The following IFI16 variants were observed in gnomAD, a reference collection of about 807,000 sequenced individuals.
IFI16 encodes the protein interferon gamma inducible protein 16.
A neutral mutation model predicts 68.4 loss-of-function variants in IFI16; 49 were observed. The ratio of observed to expected loss-of-function variants is 0.72; its 90% CI spans 0.57 to 0.91. The LOEUF (loss-of-function observed/expected upper bound fraction) is 0.91. Ranked by LOEUF, IFI16 falls within the 40% of genes least tolerant of loss-of-function variation. The pLI is 0.00. For missense variants in IFI16, 878 were observed against 942.9 expected, an observed-to-expected ratio of 0.93 and a Z score of 0.90; for synonymous variants, 307 against 315.0, an observed-to-expected ratio of 0.97 and a Z score of 0.27.
upstream of IFI16, among the ~76,000 whole-genome samples, chr1:159,008,726 G>A (rs1367025734): frequency 6.6e-6 from 1 of 152,122 alleles, no homozygotes; most frequent in Non-Finnish European, 1.5e-5. Flanking sequence ...AACACCCAGA[G>A]ATGTTTATGG....
At chr1:159,034,187 A>G (rs145391528) in intron 7 of IFI16, among the ~76,000 whole-genome samples, 108 of 152,344 alleles carry the variant, frequency 7.1e-4, no homozygotes, top group South Asian at 3.3e-3. Flanking sequence ...GTGATGATCA[A>G]AACATCTAAA....
chr1:159,018,272 A>T lies in IFI16; in HGVS notation c.593A>T (p.Asn198Ile). 6.2e-7 allele frequency: 1 copy of T among 1,614,090 alleles called. No individual in the cohort carries two copies. The highest frequency in any genetic ancestry group is 8.5e-7 in the Non-Finnish European group (1 of 1,179,954). Residue 198 changes from asparagine to isoleucine, a missense_variant, in exon 5 of 12, where the codon AAT becomes ATT. Asn to Ile is a moderately radical substitution (Grantham distance 149, BLOSUM62 -3). Coordinates refer to ENST00000295809, the MANE Select transcript of IFI16 (RefSeq NM_001376587.1). ...AAATGTCAGGTAACTCCCAGAAGAAATGTTCTCCAAAAACGCCCAGTGATA... is the reference window on the plus strand; with the variant it reads ...AAATGTCAGGTAACTCCCAGAAGAATTGTTCTCCAAAAACGCCCAGTGATA... The part of the protein sequence containing the change: ...VAKCQVTPRR[N>I]VLQKRPVIVK...
In IFI16 at chr1:159,037,574, G is replaced by A. The variant is rs566835907; in HGVS notation, c.1329+4883G>A. ...TATGGTAGCAGGGATTATTTACTATGAGAAAAACAATCAGCTACTATATTA... is the reference window on the plus strand; with the variant it reads ...TATGGTAGCAGGGATTATTTACTATAAGAAAAACAATCAGCTACTATATTA... On this transcript the variant is annotated intron_variant, in intron 7 of 11. Transcript: ENST00000295809. 2.6e-5 allele frequency among the ~76,000 whole-genome samples: 4 copies of A among 152,254 alleles called. No individual in the cohort carries two copies. The South Asian group carries it at 8.3e-4, about 32-fold the overall frequency.
At chr1:159,053,362 A>G (rs553131763) in intron 10 of IFI16, 171 bp from the exon 11 acceptor site, 47 of 437,988 alleles carry the variant, frequency 1.1e-4, no homozygotes, top group African/African-American at 9.0e-4. Flanking sequence ...AGGAGTTGAA[A>G]GGCAGGATTC....
chr1:159,025,870 G>C (rs568016161), intron 6 of IFI16, among the ~76,000 whole-genome samples: 1 of 152,294 alleles, frequency 6.6e-6, no homozygotes, highest in African/African-American at 2.4e-5. Context: ...TGAGGATCCA[G>C]TTTCATTCTT....
chr1:159,013,602 G>A (rs1243311650), intron 1 of IFI16, among the ~76,000 whole-genome samples: 2 of 152,160 alleles, frequency 1.3e-5, no homozygotes, highest in Non-Finnish European at 2.9e-5. Flanking sequence ...CAGGTGTTAA[G>A]AGGTCAAGAG....
At chr1:159,008,981 G>A (rs186911561), upstream of IFI16, 17 of 152,260 alleles carry the variant, frequency 1.1e-4, no homozygotes, top group East Asian at 2.5e-3. Context: ...CACATCATCT[G>A]CTAGTTGATG....
intron 7 of IFI16, among the ~76,000 whole-genome samples, chr1:159,039,595 CG>C (rs1654503009): frequency 2.0e-5 from 3 of 152,152 alleles, no homozygotes; most frequent in Admixed American, 2.0e-4. Context: ...CCTCCCGCCT[CG>C]GCCTCCCAAA....
chr1:159,051,855 G>A lies in IFI16; in HGVS notation c.1842G>A (p.Lys614=), dbSNP rs747855080. ...CTGAGAATGAAGTCTTCCGAGTGAA[G>A]GTTTTTAATATTGACCTAAAGGAGA... is the stretch of plus-strand genomic sequence containing the variant. ...VATENEVFRV[K]VFNIDLKEKF... The change falls in exon 10 of 12, where the codon AAG becomes AAA. Residue 614 remains lysine (K), a synonymous_variant. Transcript: ENST00000295809. 1 of 1,614,088 alleles carries A rather than the reference G, an allele frequency of 6.2e-7. No homozygotes were observed. Among genetic ancestry groups the A allele is most frequent in the Non-Finnish European group, 8.5e-7 (1 of 1,179,962 alleles).
intron 8 of IFI16, among the ~76,000 whole-genome samples, chr1:159,046,778 C>T (rs1476157382): frequency 6.6e-6 from 1 of 151,290 alleles, no homozygotes; most frequent in Non-Finnish European, 1.5e-5. Context: ...CTCACTAATA[C>T]CCTCCTCCCA....
chr1:159,050,037 T>G (rs1378129600), intron 9 of IFI16, among the ~76,000 whole-genome samples: 1 of 152,188 alleles, frequency 6.6e-6, no homozygotes, highest in Non-Finnish European at 1.5e-5. Flanking sequence ...GAAATCTCTA[T>G]CTAATGCCAC....
rs187047313 is a variant in IFI16, at chr1:159,030,124, A to C, written c.1162-2400A>C. Reference sequence around the variant, plus strand: ...TTCCAGTGTGTTTTGCATTTCTCCAAGTGTGTTCTTCATTTCCAGAAGTTG... The same window carrying C: ...TTCCAGTGTGTTTTGCATTTCTCCACGTGTGTTCTTCATTTCCAGAAGTTG... On this transcript the variant is annotated intron_variant, in intron 6 of 11. Transcript: ENST00000295809. Among the ~76,000 whole-genome samples the C allele has an allele frequency of 7.8e-3, 1,148 of 147,428 alleles. 12 individuals carry two copies. Among genetic ancestry groups the C allele is most frequent in the Non-Finnish European group, 0.012 (817 of 67,872 alleles).
upstream of IFI16, among the ~76,000 whole-genome samples, chr1:159,004,516 C>T (rs182770409): frequency 6.6e-6 from 1 of 152,166 alleles, no homozygotes; most frequent in African/African-American, 2.4e-5. Context: ...ACCAGCCTGG[C>T]CAGCATGGTG....
intron 6 of IFI16, 58 bp downstream of exon 6, chr1:159,020,587 T>C: frequency 7.3e-7 from 1 of 1,371,094 alleles, no homozygotes; most frequent in East Asian, 2.3e-5. Flanking sequence ...TGCTTTAAGT[T>C]TTGGCAAAAA....
At chr1:159,046,934 AAC>A (rs2101915517) in intron 8 of IFI16, among the ~76,000 whole-genome samples, 1 of 151,530 alleles carries the variant, frequency 6.6e-6, no homozygotes, top group South Asian at 2.1e-4. Context: ...AGGAGAAGAT[AAC>A]ACAGAGGTGG....
At chr1:159,025,905 C>G (rs553628328) in intron 6 of IFI16, among the ~76,000 whole-genome samples, 1 of 152,296 alleles carries the variant, frequency 6.6e-6, no homozygotes, top group East Asian at 1.9e-4. Flanking sequence ...CCAATTATCC[C>G]AGCACCATTT....
At chr1:159,018,686 A>G in intron 5 of IFI16, 35 bp downstream of exon 5, 1 of 1,419,470 alleles carries the variant, frequency 7.0e-7, no homozygotes, top group Non-Finnish European at 9.7e-7. Context: ...TCATTTTTCC[A>G]CCAACACCTG....
chr1:159,033,753 G>C (rs964298008), intron 7 of IFI16, among the ~76,000 whole-genome samples: 2 of 152,146 alleles, frequency 1.3e-5, no homozygotes, highest in African/African-American at 4.8e-5. Flanking sequence ...TATTAGTCAC[G>C]TAACAGTTAC....
At chr1:159,014,469 AATT>A (rs200554406) in intron 1 of IFI16, among the ~76,000 whole-genome samples, 189 bp from the exon 2 acceptor site, 103,526 of 151,786 alleles carry the variant, frequency 0.68, 37,017 homozygotes, top group Admixed American at 0.81. Context: ...CAATGGGAAT[AATT>A]TCTTAGACAT....
Sources: allele counts gnomAD v4.1 joint callset (sites outside exome capture counted in the v4.1 genomes callset), GRCh38; gene constraint gnomAD v4.1.1; transcripts MANE v1.5; gene names NCBI Gene and HGNC (gene_info 2026-07-23, HGNC 2026-07-21).